Variants in KCNK13 observed in about 807,000 individuals in gnomAD.
The protein encoded by KCNK13 is potassium channel subfamily K member 13.
Under a neutral mutation model 23.4 loss-of-function variants are expected in KCNK13, and 12 were observed. The observed-to-expected ratio is 0.51, with a 90% CI of 0.33 to 0.83. The LOEUF (loss-of-function observed/expected upper bound fraction) is 0.83. Ranked by LOEUF, KCNK13 falls within the 40% of genes least tolerant of loss-of-function variation. The probability of loss-of-function intolerance (pLI) is 0.02; values close to 1 mark genes in which losing one functional copy is unlikely to be tolerated. For missense variants in KCNK13, 463 were observed against 556.3 expected, an observed-to-expected ratio of 0.83 and a Z score of 1.69; for synonymous variants, 231 against 229.5, an observed-to-expected ratio of 1.01 and a Z score of -0.06.
intron 1 of KCNK13, among the ~76,000 whole-genome samples, chr14:90,100,688 A>G (rs1256387442): frequency 6.6e-6 from 1 of 152,138 alleles, no homozygotes; most frequent in Admixed American, 6.6e-5. Flanking sequence ...GCATCTCAGC[A>G]CTAGGTTGGT....
At chr14:90,136,940 AG>A (rs1214736087) in intron 1 of KCNK13, among the ~76,000 whole-genome samples, 2 of 152,220 alleles carry the variant, frequency 1.3e-5, no homozygotes, top group Non-Finnish European at 2.9e-5. Flanking sequence ...TCTCTGGCCA[AG>A]ACAGATAATG....
chr14:90,105,860 C>T (rs748242775), intron 1 of KCNK13, among the ~76,000 whole-genome samples: 36 of 152,172 alleles, frequency 2.4e-4, no homozygotes, highest in Non-Finnish European at 4.0e-4. Context: ...CCTAGTAAGA[C>T]GGCATGATGT....
chr14:90,072,087 C>T (rs1314794749), intron 1 of KCNK13, among the ~76,000 whole-genome samples: 2 of 152,192 alleles, frequency 1.3e-5, no homozygotes, highest in African/African-American at 4.8e-5. Context: ...ACCTCTGTCA[C>T]AACCCGGCCC....
intron 1 of KCNK13, among the ~76,000 whole-genome samples, chr14:90,141,802 G>GGGA (rs1555352015): frequency 1.4e-5 from 2 of 146,728 alleles, no homozygotes; most frequent in Non-Finnish European, 3.0e-5. Context: ...TTTGGGGGGG[G>GGGA]GGACGGAGCC....
intron 1 of KCNK13, among the ~76,000 whole-genome samples, chr14:90,081,711 A>G (rs538563940): frequency 4.7e-4 from 71 of 152,352 alleles, no homozygotes; most frequent in African/African-American, 1.5e-3. Context: ...AAGAAACCTC[A>G]TACCCTTTAG....
intron 1 of KCNK13, among the ~76,000 whole-genome samples, chr14:90,126,672 T>C (rs1340211530): frequency 6.6e-6 from 1 of 152,044 alleles, no homozygotes; most frequent in Non-Finnish European, 1.5e-5. Flanking sequence ...GCCTCTGAAG[T>C]AGCTAGGACT....
chr14:90,180,363 C>T (rs1243680058), intron 1 of KCNK13, among the ~76,000 whole-genome samples: 1 of 152,118 alleles, frequency 6.6e-6, no homozygotes, highest in Non-Finnish European at 1.5e-5. Context: ...ATCTTCAACT[C>T]TCAGCATTAT....
At chr14:90,064,179 C>G (rs1888979928) in intron 1 of KCNK13, among the ~76,000 whole-genome samples, 1 of 152,172 alleles carries the variant, frequency 6.6e-6, no homozygotes, top group Admixed American at 6.5e-5. Context: ...GATGAACAAA[C>G]TGATTAGGAG....
intron 1 of KCNK13, chr14:90,107,839 C>G: frequency 1.2e-6 from 1 of 849,554 alleles, no homozygotes; most frequent in East Asian, 2.5e-5. Context: ...ACCACACTAA[C>G]AAGATTCAAG....
intron 1 of KCNK13, among the ~76,000 whole-genome samples, chr14:90,087,157 T>A (rs1354632488): frequency 4.8e-4 from 65 of 134,400 alleles, no homozygotes; most frequent in East Asian, 3.1e-3. Flanking sequence ...TATATATATT[T>A]TTTTTTTTTA....
At chr14:90,109,928 G>A (rs907786048) in intron 1 of KCNK13, among the ~76,000 whole-genome samples, 5 of 150,998 alleles carry the variant, frequency 3.3e-5, no homozygotes, top group East Asian at 4.0e-4. Context: ...GGCTGGTCTC[G>A]AAATCCAAGA....
chr14:90,164,392 G>T (rs896254706), intron 1 of KCNK13, among the ~76,000 whole-genome samples: 5 of 152,176 alleles, frequency 3.3e-5, no homozygotes, highest in African/African-American at 1.2e-4. Context: ...GCTATGCCTA[G>T]AAGGCGCCTC....
intron 1 of KCNK13, among the ~76,000 whole-genome samples, chr14:90,170,289 C>T (rs890478520): frequency 6.6e-6 from 1 of 152,158 alleles, no homozygotes; most frequent in African/African-American, 2.4e-5. Context: ...TCCCAGCTCA[C>T]TGCAACCTCC....
chr14:90,180,697 C>T (rs1890474972), intron 1 of KCNK13, among the ~76,000 whole-genome samples: 1 of 152,098 alleles, frequency 6.6e-6, no homozygotes, highest in African/African-American at 2.4e-5. Context: ...TCACTAGAAA[C>T]CTCATTCACT....
intron 1 of KCNK13, among the ~76,000 whole-genome samples, chr14:90,092,335 T>C (rs7158172): frequency 5.9e-5 from 9 of 152,240 alleles, no homozygotes; most frequent in African/African-American, 1.4e-4. Context: ...AACCCACTGC[T>C]AAACTACATC....
At chr14:90,096,494 A>G (rs547951990) in intron 1 of KCNK13, among the ~76,000 whole-genome samples, 1 of 152,350 alleles carries the variant, frequency 6.6e-6, no homozygotes, top group Admixed American at 6.5e-5. Flanking sequence ...AAAATACAAT[A>G]AAACATAATA....
chr14:90,092,113 G>C (rs545951460), intron 1 of KCNK13, among the ~76,000 whole-genome samples: 1 of 151,918 alleles, frequency 6.6e-6, no homozygotes, highest in Non-Finnish European at 1.5e-5. Context: ...TAGTAGAGAT[G>C]GGGTTTCACC....
intron 1 of KCNK13, among the ~76,000 whole-genome samples, chr14:90,155,877 A>T (rs1334089917): frequency 2.0e-5 from 3 of 152,130 alleles, no homozygotes; most frequent in African/African-American, 7.2e-5. Context: ...ACGAGTATGG[A>T]GTTCGGCAGA....
chr14:90,126,208 T>C (rs1889797993), intron 1 of KCNK13, among the ~76,000 whole-genome samples: 1 of 152,110 alleles, frequency 6.6e-6, no homozygotes, highest in South Asian at 2.1e-4. Flanking sequence ...TTTAGTATAA[T>C]TTTTATAAAT....
Sources: allele counts gnomAD v4.1 joint callset (sites outside exome capture counted in the v4.1 genomes callset), GRCh38; gene constraint gnomAD v4.1.1; transcripts MANE v1.5; gene names NCBI Gene and HGNC (gene_info 2026-07-23, HGNC 2026-07-21).